GRIN2B: variants seen among roughly 807,000 people sequenced by gnomAD.
GRIN2B encodes the protein glutamate receptor ionotropic, NMDA 2B.
GRIN2B carries 5 observed loss-of-function variants against 114.5 expected under a neutral mutation model. The ratio of observed to expected loss-of-function variants is 0.04; its 90% confidence interval spans 0.02 to 0.09. GRIN2B has a LOEUF of 0.09. Among genes scored for constraint, GRIN2B ranks in the 10% least tolerant of loss-of-function variants. The pLI is 1.00. For missense variants in GRIN2B, 1,108 were observed against 1,943.5 expected (o/e 0.57, Z 8.08); for synonymous variants, 787 against 745.1 (o/e 1.06, Z -0.92).
At chr12:13,962,238 G>A (rs4764042) in intron 2 of GRIN2B, among the ~76,000 whole-genome samples, 7 of 151,948 alleles carry the variant, frequency 4.6e-5, no homozygotes, top group Admixed American at 1.3e-4. Flanking sequence ...GGAACCAGGC[G>A]GGAGCAGAGG....
intron 2 of GRIN2B, among the ~76,000 whole-genome samples, chr12:13,887,368 T>C (rs1381173449): frequency 6.6e-6 from 1 of 152,172 alleles, no homozygotes; most frequent in African/African-American, 2.4e-5. Flanking sequence ...ACCATTCATA[T>C]TTTTCAATAC....
At chr12:13,574,052 GC>G (rs1358769052) in intron 10 of GRIN2B, among the ~76,000 whole-genome samples, 1 of 152,162 alleles carries the variant, frequency 6.6e-6, no homozygotes, top group African/African-American at 2.4e-5. Context: ...AAAATCTACA[GC>G]CAAATGGGCC....
chr12:13,904,740 GTTA>G (rs1465208345), intron 2 of GRIN2B, among the ~76,000 whole-genome samples: 3 of 152,024 alleles, frequency 2.0e-5, no homozygotes, highest in Non-Finnish European at 4.4e-5. Flanking sequence ...TAAGGTGTCA[GTTA>G]TTTTCTTTTG....
chr12:13,773,582 GTTC>G (rs1470278625), intron 3 of GRIN2B, among the ~76,000 whole-genome samples: 2 of 152,166 alleles, frequency 1.3e-5, no homozygotes, highest in Non-Finnish European at 2.9e-5. Context: ...TGACGAAACT[GTTC>G]TTCTTGGTAT....
At chr12:13,608,887 G>T in intron 9 of GRIN2B, 55 bp from the exon 10 acceptor site, 1 of 1,286,662 alleles carries the variant, frequency 7.8e-7, no homozygotes. Flanking sequence ...TGGTTCTGTT[G>T]AAACCTACAA....
At chr12:13,823,262 G>C (rs1228675575) in intron 3 of GRIN2B, among the ~76,000 whole-genome samples, 1 of 152,032 alleles carries the variant, frequency 6.6e-6, no homozygotes, top group African/African-American at 2.4e-5. Flanking sequence ...AAGGTAAAGA[G>C]AGTTGAAATC....
At chr12:13,693,834 C>A (rs1176969007) in intron 4 of GRIN2B, among the ~76,000 whole-genome samples, 1 of 152,124 alleles carries the variant, frequency 6.6e-6, no homozygotes, top group African/African-American at 2.4e-5. Flanking sequence ...CAGCATCACA[C>A]CTGTTAGAGA....
rs1948389961 is a variant in GRIN2B at position 13,549,977 on chromosome 12, A to G, written c.*12806T>C. The G allele has an allele frequency of 6.6e-6, 1 of 152,156 alleles. No homozygotes were observed. Among genetic ancestry groups the G allele is most frequent in the Non-Finnish European group, 1.5e-5 (1 of 68,016 alleles). 9.4% of individuals were successfully genotyped at this position (152,156 alleles called of 1,614,324 possible). On this transcript the variant is annotated 3_prime_UTR_variant, in exon 14 of 14. Coordinates refer to ENST00000609686, the MANE Select transcript of GRIN2B (RefSeq NM_000834.5). ...CTGAAAACCTACAGTGGGGGCAGACAATTCAGGCAGCATTACTCGCTGAGC... is the reference window on the plus strand; with the variant it reads ...CTGAAAACCTACAGTGGGGGCAGACGATTCAGGCAGCATTACTCGCTGAGC...
At position 13,549,136 on chromosome 12, in the gene GRIN2B, G is replaced by A. The variant is rs564569389; in HGVS notation, c.*13647C>T. ...AGATACTAAAATCTTTGGAAAGATG[G>A]ATTATATCCTGAGCTTGATATCATT... On this transcript the variant is annotated 3_prime_UTR_variant, in exon 14 of 14. Coordinates refer to ENST00000609686, the MANE Select transcript of GRIN2B (RefSeq NM_000834.5). 2.0e-5 allele frequency: 3 copies of A among 152,262 alleles called. No homozygotes were observed. Among genetic ancestry groups the A allele is most frequent in the African/African-American group, 7.2e-5 (3 of 41,544 alleles). The allele number at this position is 152,262 out of a possible 1,614,324, so 9.4% of individuals were successfully genotyped here. A position where few individuals can be genotyped will look rare whatever the true frequency, so the allele number is the denominator to read the frequency against.
intron 10 of GRIN2B, among the ~76,000 whole-genome samples, chr12:13,602,946 C>T (rs1019143962): frequency 1.3e-5 from 2 of 152,144 alleles, no homozygotes; most frequent in African/African-American, 4.8e-5. Flanking sequence ...CAGCCAGATA[C>T]CCTGGAGAGC....
At chr12:13,611,558 G>T (rs1242675506) in intron 9 of GRIN2B, among the ~76,000 whole-genome samples, 167 bp downstream of exon 9, 3 of 152,156 alleles carry the variant, frequency 2.0e-5, no homozygotes, top group Non-Finnish European at 4.4e-5. Flanking sequence ...TCTTAACTGG[G>T]GTATTTCTAA....
At chr12:13,604,981 G>C (rs1216094280) in intron 10 of GRIN2B, among the ~76,000 whole-genome samples, 1 of 150,520 alleles carries the variant, frequency 6.6e-6, no homozygotes, top group Admixed American at 6.6e-5. Flanking sequence ...TTGCTGACTT[G>C]TTGCTTTCTT....
At position 13,546,200 on chromosome 12, in the gene GRIN2B, A is replaced by G. The variant is rs955750705; in HGVS notation, c.*16583T>C. 1 of 152,208 alleles carries G rather than the reference A, an allele frequency of 6.6e-6. No homozygotes were observed. 9.4% of individuals were successfully genotyped at this position (152,208 alleles called of 1,614,324 possible). On this transcript the variant is annotated 3_prime_UTR_variant, in exon 14 of 14. Coordinates refer to ENST00000609686, the MANE Select transcript of GRIN2B (RefSeq NM_000834.5). Reference sequence around the variant, plus strand: ...CCCCTTGGCTTCCCAATTTAAGTCAATGTAATCACAATGCACACAAGGCTC... The same window carrying G: ...CCCCTTGGCTTCCCAATTTAAGTCAGTGTAATCACAATGCACACAAGGCTC...
intron 10 of GRIN2B, among the ~76,000 whole-genome samples, chr12:13,580,411 T>G (rs192468773): frequency 1.3e-3 from 199 of 152,334 alleles, no homozygotes; most frequent in African/African-American, 4.6e-3. Context: ...CCATATGAGA[T>G]ATAGAATCTG....
chr12:13,763,968 T>C (rs1052735269), intron 3 of GRIN2B, among the ~76,000 whole-genome samples: 2 of 152,240 alleles, frequency 1.3e-5, no homozygotes, highest in African/African-American at 2.4e-5. Context: ...TTAAGACTTC[T>C]GAGGTTCTAA....
chr12:13,814,319 C>T (rs1864781293), intron 3 of GRIN2B, among the ~76,000 whole-genome samples: 1 of 152,172 alleles, frequency 6.6e-6, no homozygotes, highest in Non-Finnish European at 1.5e-5. Flanking sequence ...ATCTCACATG[C>T]TATGTTTAGC....
chr12:13,906,333 A>C (rs1181604892), intron 2 of GRIN2B, among the ~76,000 whole-genome samples: 1 of 152,158 alleles, frequency 6.6e-6, no homozygotes, highest in Non-Finnish European at 1.5e-5. Flanking sequence ...TCCTATGTCA[A>C]AGCTTAAAGT....
chr12:13,885,057 T>C (rs542228208), intron 2 of GRIN2B, among the ~76,000 whole-genome samples: 1 of 151,972 alleles, frequency 6.6e-6, no homozygotes, highest in Admixed American at 6.6e-5. Context: ...AATCAGGCCA[T>C]AAAAAAATGC....
intron 5 of GRIN2B, among the ~76,000 whole-genome samples, chr12:13,659,276 T>C (rs1380929598): frequency 6.6e-6 from 1 of 152,206 alleles, no homozygotes; most frequent in Non-Finnish European, 1.5e-5. Context: ...TTCCTGAAGT[T>C]CAATTCTTCA....
Sources: gnomAD v4.1 joint callset for allele counts (sites outside exome capture counted in the v4.1 genomes callset) on GRCh38, gnomAD v4.1.1 for gene constraint, MANE v1.5 for transcripts, NCBI Gene and HGNC (gene_info 2026-07-23, HGNC 2026-07-21) for gene names.